Variants in DDR2 observed in about 807,000 individuals in gnomAD.
DDR2 encodes the protein discoidin domain receptor tyrosine kinase 2, also known as discoidin domain-containing receptor 2.
In DDR2, 27 loss-of-function variants were observed where a neutral mutation model predicts 94.9. That is an observed-to-expected ratio of 0.28 (90% confidence interval 0.21 to 0.39). The LOEUF (loss-of-function observed/expected upper bound fraction) is 0.39, where lower values mean the gene tolerates loss of function less well. DDR2 is among the 10% of genes least tolerant of loss of function. The pLI is 1.00. For missense variants in DDR2, 783 were observed against 1,076.0 expected (o/e 0.73, Z 3.81); for synonymous variants, 382 against 377.2 (o/e 1.01, Z -0.15).
chr1:162,731,197 T>C (rs541015816), intron 3 of DDR2, among the ~76,000 whole-genome samples: 4 of 152,362 alleles, frequency 2.6e-5, no homozygotes, highest in South Asian at 4.1e-4. Flanking sequence ...AGTGAATTTA[T>C]ACTTTATTGC....
intron 4 of DDR2, 88 bp downstream of exon 4, chr1:162,753,285 G>A (rs1367097993): frequency 8.1e-7 from 1 of 1,233,050 alleles, no homozygotes; most frequent in Non-Finnish European, 1.2e-6. Context: ...GCTGGGGAAG[G>A]TGGTGTTATT....
intron 2 of DDR2, among the ~76,000 whole-genome samples, chr1:162,668,636 GTC>G (rs921558350): frequency 6.6e-6 from 1 of 151,940 alleles, no homozygotes; most frequent in Non-Finnish European, 1.5e-5. Context: ...CTTTGTGTCC[GTC>G]TCTCTGTCTT....
At chr1:162,700,264 C>T (rs1298393879) in intron 2 of DDR2, among the ~76,000 whole-genome samples, 1 of 152,192 alleles carries the variant, frequency 6.6e-6, no homozygotes, top group Non-Finnish European at 1.5e-5. Flanking sequence ...CCATCTTTTG[C>T]TATTTGGGTA....
rs150835897 is a variant in DDR2, at chr1:162,772,150, C to T, written c.1631C>T (p.Thr544Ile). Residue 544 changes from threonine (T) to isoleucine (I), a missense_variant, in exon 13 of 18, where the codon ACC becomes ATC. By Grantham distance (89) the Thr-to-Ile change is moderately conservative. This residue lies in a region of DDR2 where 264 missense variants were observed against 428.2 expected (regional missense o/e 0.62). Coordinates refer to ENST00000367921, the MANE Select transcript of DDR2 (RefSeq NM_006182.4). ...GGNTYSVPAV[T>I]MDLLSGKDVA... is the part of the protein sequence containing the mutation. ...AACACATACTCAGTGCCTGCCGTCA[C>T]CATGGACCTGCTCTCAGGAAAAGAT... 1.2e-6 allele frequency: 2 copies of T among 1,614,088 alleles called. No homozygotes were observed. Among genetic ancestry groups the T allele is most frequent in the African/African-American group, 2.7e-5 (2 of 74,930 alleles).
chr1:162,739,440 G>A (rs1021980419), intron 3 of DDR2, among the ~76,000 whole-genome samples: 7 of 152,094 alleles, frequency 4.6e-5, no homozygotes. Context: ...CTGAGTAACT[G>A]GGATTACATG....
At chr1:162,659,873 A>C (rs1434668311) in intron 2 of DDR2, among the ~76,000 whole-genome samples, 1 of 152,206 alleles carries the variant, frequency 6.6e-6, no homozygotes, top group Non-Finnish European at 1.5e-5. Flanking sequence ...GGTTAGCCAC[A>C]AACTCTATTA....
rs575390480 is a variant in DDR2 at position 162,750,596 on chromosome 1, TC to T, written c.83-2494del. On this transcript the variant is annotated intron_variant, in intron 3 of 17. Transcript: ENST00000367921. ...AAGGTAATTTATAGATTCAATGCCA[TC>T]CCCCATCAAGCTACCAATGACTTTC... Among the ~76,000 whole-genome samples, 942 of 151,868 alleles carry T rather than the reference TC, an allele frequency of 6.2e-3. 10 individuals carry two copies. Among genetic ancestry groups the T allele is most frequent in the African/African-American group, 0.021 (889 of 41,398 alleles).
rs560254060 is a variant in DDR2, at chr1:162,698,907, A to G, written c.-27-20130A>G. Among the ~76,000 whole-genome samples the G allele has an allele frequency of 3.3e-5, 5 of 152,330 alleles. No homozygotes were observed. The South Asian group carries it at 8.3e-4, about 25-fold the overall frequency. ...AGCCCAGTCCTTGGGGTTTTTGAAG[A>G]AAAGGAAGGCAGATCAGCATGCCTT... is the stretch of plus-strand genomic sequence containing the variant. On this transcript the variant is annotated intron_variant, in intron 2 of 17. Transcript: ENST00000367921.
chr1:162,746,302 C>G (rs780790271), intron 3 of DDR2, among the ~76,000 whole-genome samples: 9 of 152,190 alleles, frequency 5.9e-5, no homozygotes, highest in Non-Finnish European at 1.3e-4. Context: ...TCTTAGCAAA[C>G]GGCACACCAG....
intron 7 of DDR2, 78 bp from the exon 8 acceptor site, chr1:162,759,718 G>T: frequency 6.4e-7 from 1 of 1,551,944 alleles, no homozygotes; most frequent in East Asian, 2.3e-5. Flanking sequence ...TGAAGATGCC[G>T]GGTAAAAGCT....
At chr1:162,699,128 C>A (rs1301283122) in intron 2 of DDR2, among the ~76,000 whole-genome samples, 1 of 152,220 alleles carries the variant, frequency 6.6e-6, no homozygotes, top group African/African-American at 2.4e-5. Context: ...TACACCAGTG[C>A]TCCCTGATGC....
At chr1:162,766,946 T>C (rs970392047) in intron 10 of DDR2, among the ~76,000 whole-genome samples, 1 of 151,646 alleles carries the variant, frequency 6.6e-6, no homozygotes, top group African/African-American at 2.4e-5. Flanking sequence ...GCAGAATTGC[T>C]TGAACCTGGG....
intron 1 of DDR2, among the ~76,000 whole-genome samples, chr1:162,654,778 G>A (rs1041429104): frequency 6.6e-6 from 1 of 152,112 alleles, no homozygotes; most frequent in East Asian, 1.9e-4. Flanking sequence ...TCAGTGACAT[G>A]TGCCATTGCA....
chr1:162,645,908 TG>T (rs1657383737), intron 1 of DDR2, among the ~76,000 whole-genome samples: 1 of 152,200 alleles, frequency 6.6e-6, no homozygotes, highest in African/African-American at 2.4e-5. Context: ...TTCTTCTTTG[TG>T]TGTTTATGCC....
intron 3 of DDR2, among the ~76,000 whole-genome samples, chr1:162,736,222 C>A (rs1277957988): frequency 2.0e-5 from 3 of 152,220 alleles, no homozygotes; most frequent in Admixed American, 6.5e-5. Flanking sequence ...ATTCTAAAAC[C>A]TCTCCAGGCT....
chr1:162,673,958 C>G (rs1220560994), intron 2 of DDR2, among the ~76,000 whole-genome samples: 1 of 151,748 alleles, frequency 6.6e-6, no homozygotes, highest in Admixed American at 6.6e-5. Flanking sequence ...TCTAGGTAAT[C>G]TCTCTATTCT....
chr1:162,741,744 G>C, intron 3 of DDR2: 4 of 985,332 alleles, frequency 4.1e-6, no homozygotes, highest in Non-Finnish European at 4.8e-6. Context: ...TAGTAGCTGG[G>C]CTTGGGTCCT....
At chr1:162,636,303 G>A (rs143417157) in intron 1 of DDR2, among the ~76,000 whole-genome samples, 219 of 152,328 alleles carry the variant, frequency 1.4e-3, no homozygotes, top group Non-Finnish European at 2.7e-3. Flanking sequence ...AGGCCTGGAA[G>A]GGCAATGCAA....
chr1:162,779,113 A>C (rs1647752335), intron 17 of DDR2, among the ~76,000 whole-genome samples: 1 of 152,208 alleles, frequency 6.6e-6, no homozygotes, highest in Non-Finnish European at 1.5e-5. Context: ...AATATAGCTT[A>C]GTATAAGAAA....
Sources: allele counts gnomAD v4.1 joint callset (sites outside exome capture counted in the v4.1 genomes callset), GRCh38; gene constraint gnomAD v4.1.1; regional missense constraint gnomAD v4.1.1; transcripts MANE v1.5; gene names NCBI Gene and HGNC (gene_info 2026-07-23, HGNC 2026-07-21).